RPS6KA2: variants seen among roughly 807,000 people sequenced by gnomAD.
RPS6KA2 encodes the protein ribosomal protein S6 kinase A2, also known as ribosomal protein S6 kinase alpha-2.
RPS6KA2 carries 42 observed loss-of-function variants against 91.8 expected under a neutral mutation model. The observed-to-expected ratio is 0.46, with a 90% CI of 0.36 to 0.59. RPS6KA2 has a LOEUF of 0.59. RPS6KA2 is among the 20% of genes least tolerant of loss of function. RPS6KA2 has a pLI of 0.00. For missense variants in RPS6KA2, 798 were observed against 978.5 expected, an observed-to-expected ratio of 0.82 and a Z score of 2.46; for synonymous variants, 414 against 393.6, an observed-to-expected ratio of 1.05 and a Z score of -0.61.
At chr6:166,826,054 T>G (rs1039106208) in intron 2 of RPS6KA2, among the ~76,000 whole-genome samples, 2 of 152,226 alleles carry the variant, frequency 1.3e-5, no homozygotes, top group South Asian at 4.1e-4. Context: ...CGGGCATAAA[T>G]AGATGTTCTC....
chr6:166,793,011 T>C (rs113559091), intron 2 of RPS6KA2, among the ~76,000 whole-genome samples: 6 of 151,820 alleles, frequency 4.0e-5, no homozygotes, highest in Non-Finnish European at 5.9e-5. Context: ...CCAGGGCAAT[T>C]AGGCAGGAGA....
chr6:166,661,217 CA>C (rs1226306792), intron 2 of RPS6KA2, among the ~76,000 whole-genome samples: 4 of 152,318 alleles, frequency 2.6e-5, no homozygotes, highest in African/African-American at 9.6e-5. Context: ...TCTCCTGCCT[CA>C]GCCTGCTAAG....
At chr6:166,774,114 G>A (rs991941971) in intron 2 of RPS6KA2, among the ~76,000 whole-genome samples, 1 of 152,100 alleles carries the variant, frequency 6.6e-6, no homozygotes, top group South Asian at 2.1e-4. Context: ...TCGCTTTCAC[G>A]GCACTTGGGG....
At chr6:166,478,185 A>C (rs1781051222) in intron 10 of RPS6KA2, among the ~76,000 whole-genome samples, 1 of 152,154 alleles carries the variant, frequency 6.6e-6, no homozygotes, top group Non-Finnish European at 1.5e-5. Context: ...GGAGTGGCAG[A>C]GGTGGGGTCG....
intron 2 of RPS6KA2, among the ~76,000 whole-genome samples, chr6:166,756,533 T>G (rs1174794404): frequency 3.3e-5 from 5 of 152,190 alleles, no homozygotes; most frequent in Non-Finnish European, 7.3e-5. Flanking sequence ...TATAAACACG[T>G]TTGGGTTAAC....
rs369081655 is a variant in RPS6KA2 at position 166,682,059 on chromosome 6, T to TA, written c.124-143276dup. On this transcript the variant is annotated intron_variant, in intron 2 of 21. Coordinates refer to the RPS6KA2 transcript ENST00000503859. Reference sequence around the variant, plus strand: ...TAGTAAAATCTGGTTCATTCGTAAGTAGAGTTCTGAGGGTTTTGAGATGCT... The same window carrying TA: ...TAGTAAAATCTGGTTCATTCGTAAGTAAGAGTTCTGAGGGTTTTGAGATGCT... Among the ~76,000 whole-genome samples, 696 of 152,314 alleles carry TA rather than the reference T, an allele frequency of 4.6e-3. 7 individuals are homozygous for TA. Among genetic ancestry groups the TA allele is most frequent in the African/African-American group, 0.016 (650 of 41,550 alleles).
intron 1 of RPS6KA2, among the ~76,000 whole-genome samples, chr6:166,602,401 G>A (rs1785776975): frequency 6.6e-6 from 1 of 152,198 alleles, no homozygotes; most frequent in African/African-American, 2.4e-5. Context: ...CGGTGCTCAA[G>A]GGATGGATGC....
intron 1 of RPS6KA2, among the ~76,000 whole-genome samples, chr6:166,602,748 G>C (rs768221732): frequency 6.6e-6 from 1 of 152,234 alleles, no homozygotes; most frequent in Non-Finnish European, 1.5e-5. Context: ...AGGTGGGAGG[G>C]AGAAGGATGA....
intron 1 of RPS6KA2, among the ~76,000 whole-genome samples, chr6:166,586,890 C>G (rs552746422): frequency 9.0e-4 from 137 of 152,362 alleles, no homozygotes; most frequent in African/African-American, 3.2e-3. Flanking sequence ...CTCCCCTCAG[C>G]TGCCTCCCAG....
At chr6:166,621,522 A>C (rs1294034937) in intron 1 of RPS6KA2, among the ~76,000 whole-genome samples, 1 of 152,250 alleles carries the variant, frequency 6.6e-6, no homozygotes, top group African/African-American at 2.4e-5. Flanking sequence ...TCAATGTAAT[A>C]GCTTTTACTA....
intron 2 of RPS6KA2, among the ~76,000 whole-genome samples, chr6:166,779,196 C>T (rs1778704168): frequency 6.6e-6 from 1 of 152,178 alleles, no homozygotes. Context: ...CCGTGATGTT[C>T]TCTACGGCCC....
upstream of RPS6KA2, among the ~76,000 whole-genome samples, chr6:166,631,849 G>A (rs561454467): frequency 6.6e-6 from 1 of 152,346 alleles, no homozygotes; most frequent in East Asian, 1.9e-4. Flanking sequence ...AGGCTGCGCG[G>A]CAAACGGAGC....
chr6:166,603,382 G>T lies in RPS6KA2; in HGVS notation c.99+23539C>A, dbSNP rs957414823. On this transcript the variant is annotated intron_variant, in intron 1 of 20. Coordinates refer to ENST00000265678, the MANE Select transcript of RPS6KA2 (RefSeq NM_021135.6). This position sits in a 1 kb window ranked among gnomAD's most constrained non-coding sequence, Gnocchi z 4.3. ...AGCGCAGCCTCAGAGTGCGTGGGGT[G>T]GGGCAGAGCTCTGGGAGGCCGAGTG... 6.6e-6 allele frequency among the ~76,000 whole-genome samples: 1 copy of T among 152,168 alleles called. No individual in the cohort carries two copies. Among genetic ancestry groups the T allele is most frequent in the Non-Finnish European group, 1.5e-5 (1 of 68,034 alleles).
chr6:166,550,464 T>C (rs1783964781), intron 1 of RPS6KA2, among the ~76,000 whole-genome samples: 1 of 152,122 alleles, frequency 6.6e-6, no homozygotes, highest in African/African-American at 2.4e-5. Context: ...AAGGACTCAA[T>C]ATTTTTAAAG....
chr6:166,589,535 T>C (rs1362496800), intron 1 of RPS6KA2, among the ~76,000 whole-genome samples: 1 of 152,220 alleles, frequency 6.6e-6, no homozygotes, highest in African/African-American at 2.4e-5. Context: ...TTGAAATCAG[T>C]CATGCTTCAT....
chr6:166,565,533 C>T (rs1306113210), intron 1 of RPS6KA2, among the ~76,000 whole-genome samples: 1 of 152,196 alleles, frequency 6.6e-6, no homozygotes, highest in African/African-American at 2.4e-5. Context: ...ACAGCTGTCC[C>T]CACAAGAACC....
chr6:166,571,538 C>G (rs532349505), intron 1 of RPS6KA2, among the ~76,000 whole-genome samples: 1 of 152,276 alleles, frequency 6.6e-6, no homozygotes, highest in Admixed American at 6.5e-5. Flanking sequence ...CGCACATGCG[C>G]GTTCTAGCAC....
rs1436639658 is a variant in RPS6KA2, at chr6:166,494,342, T to C, written c.748-3601A>G. On this transcript the variant is annotated intron_variant, in intron 8 of 20. Coordinates refer to ENST00000265678, the MANE Select transcript of RPS6KA2 (RefSeq NM_021135.6). This position sits in a 1 kb window ranked among gnomAD's most constrained non-coding sequence, Gnocchi z 5.1. Reference sequence around the variant, plus strand: ...TGGAAGGTGCCGTTCCTCACAACCGTCTACAGATGAATGGTCCAGTGGCAA... The same window carrying C: ...TGGAAGGTGCCGTTCCTCACAACCGCCTACAGATGAATGGTCCAGTGGCAA... Among the ~76,000 whole-genome samples, 1 of 152,038 alleles carries C rather than the reference T, an allele frequency of 6.6e-6. No homozygotes were observed. The highest frequency in any genetic ancestry group is 2.4e-5 in the African/African-American group (1 of 41,392).
intron 1 of RPS6KA2, among the ~76,000 whole-genome samples, chr6:166,611,880 G>A (rs1232371155): frequency 3.9e-5 from 6 of 152,304 alleles, no homozygotes; most frequent in Non-Finnish European, 8.8e-5. Context: ...TCAACCCTGA[G>A]CTCATCCCTG....
Sources: gnomAD v4.1 joint callset for allele counts (sites outside exome capture counted in the v4.1 genomes callset) on GRCh38, gnomAD v4.1.1 for gene constraint, Gnocchi (gnomAD v3.1) non-coding constraint, MANE v1.5 for transcripts, NCBI Gene and HGNC (gene_info 2026-07-23, HGNC 2026-07-21) for gene names.